The following GANC variants were observed in gnomAD, a reference collection of about 807,000 sequenced individuals.
GANC encodes glucosidase alpha, neutral C.
In GANC, 117 loss-of-function variants were observed where a neutral mutation model predicts 124.2. The ratio of observed to expected loss-of-function variants is 0.94; its 90% confidence interval spans 0.81 to 1.10. GANC has a LOEUF of 1.10. Among genes scored for constraint, GANC ranks in the 50% least tolerant of loss-of-function variants. GANC has a pLI of 0.00. For missense variants in GANC, 1,140 were observed against 1,095.0 expected, an observed-to-expected ratio of 1.04 and a Z score of -0.58; for synonymous variants, 377 against 376.8, an observed-to-expected ratio of 1.00 and a Z score of -0.01.
chr15:42,325,233 A>G (rs1213463740), intron 11 of GANC, among the ~76,000 whole-genome samples: 1 of 152,168 alleles, frequency 6.6e-6, no homozygotes, highest in Non-Finnish European at 1.5e-5. Context: ...AGATCGTGCC[A>G]CTGCACTCCA....
chr15:42,283,506 C>T (rs2051754465), intron 3 of GANC: 1 of 626,180 alleles, frequency 1.6e-6, no homozygotes, highest in South Asian at 1.9e-5. Context: ...GCTTAAATAG[C>T]ATTGCTAGCA....
chr15:42,343,685 C>A (rs978983934), intron 19 of GANC, among the ~76,000 whole-genome samples: 1 of 152,098 alleles, frequency 6.6e-6, no homozygotes, highest in Non-Finnish European at 1.5e-5. Context: ...CATCCTAGAC[C>A]TGCTGGAGCC....
chr15:42,347,806 G>A (rs2052379133), intron 20 of GANC, among the ~76,000 whole-genome samples: 1 of 152,164 alleles, frequency 6.6e-6, no homozygotes, highest in African/African-American at 2.4e-5. Context: ...TATAGGATGG[G>A]CAGAAAGGAA....
chr15:42,324,230 A>G (rs2052182220), intron 11 of GANC, among the ~76,000 whole-genome samples: 1 of 152,142 alleles, frequency 6.6e-6, no homozygotes, highest in South Asian at 2.1e-4. Context: ...CCACAGTGAA[A>G]TCCCATTTTA....
chr15:42,334,362 A>G (rs559131349), intron 15 of GANC, among the ~76,000 whole-genome samples: 2 of 152,226 alleles, frequency 1.3e-5, no homozygotes, highest in South Asian at 2.1e-4. Context: ...GGGTTTCACC[A>G]TGTTGGGCAG....
intron 4 of GANC, among the ~76,000 whole-genome samples, chr15:42,291,506 G>A (rs1356379095): frequency 6.6e-6 from 1 of 152,112 alleles, no homozygotes; most frequent in Non-Finnish European, 1.5e-5. Flanking sequence ...TGTTCCCCAC[G>A]AGAATCCAGA....
At chr15:42,300,517 G>T (rs1289253843) in intron 6 of GANC, among the ~76,000 whole-genome samples, 2 of 152,174 alleles carry the variant, frequency 1.3e-5, no homozygotes, top group African/African-American at 4.8e-5. Context: ...ATGTAAATTA[G>T]TCCATTGTGG....
At chr15:42,349,804 A>G (rs938849836) in intron 22 of GANC, among the ~76,000 whole-genome samples, 7 of 151,740 alleles carry the variant, frequency 4.6e-5, no homozygotes, top group African/African-American at 9.7e-5. Flanking sequence ...ATGCACCAAC[A>G]TACCCGGCTA....
chr15:42,295,855 C>T (rs1028829095), intron 5 of GANC, among the ~76,000 whole-genome samples: 2 of 152,058 alleles, frequency 1.3e-5, no homozygotes, highest in Admixed American at 6.5e-5. Flanking sequence ...AAGATTGTTA[C>T]GTTGAGCTGG....
chr15:42,302,288 C>T lies in GANC; in HGVS notation c.559-4258C>T, dbSNP rs1005889377. On this transcript the variant is annotated intron_variant, in intron 6 of 23. Transcript: ENST00000318010. ...CTGACTGTTAGAACGAAAACTAACA[C>T]GGAAAGGAATAGCATCAACATCAAC... Among the ~76,000 whole-genome samples the T allele has an allele frequency of 1.4e-4, 22 of 152,198 alleles. No homozygotes were observed. In the East Asian group the frequency reaches 1.7e-3, roughly 12 times the overall value.
chr15:42,303,550 C>T (rs1211682734), intron 6 of GANC, among the ~76,000 whole-genome samples: 1 of 151,154 alleles, frequency 6.6e-6, no homozygotes, highest in Admixed American at 6.6e-5. Flanking sequence ...AATTAAAAGA[C>T]ATAGACTGGC....
intron 6 of GANC, among the ~76,000 whole-genome samples, chr15:42,297,995 G>A (rs8023568): frequency 0.96 from 146,473 of 152,246 alleles, 70,657 homozygotes; most frequent in Non-Finnish European, 1. Flanking sequence ...ACAGACATTG[G>A]GTAAGTAATT....
intron 3 of GANC, among the ~76,000 whole-genome samples, chr15:42,280,564 A>G (rs750819630): frequency 7.2e-5 from 11 of 152,166 alleles, no homozygotes; most frequent in Non-Finnish European, 1.5e-4. Flanking sequence ...AGGAGTCTTT[A>G]GGCCTTGACC....
rs2052470901 is a variant in GANC, at chr15:42,353,063, AG to A, written c.*925del. ...AACAAAATATTAAAATTTAAAATAAAGACAGGATTAGTATTACTGAGTTTTC... is the reference window on the plus strand; with the variant it reads ...AACAAAATATTAAAATTTAAAATAAAACAGGATTAGTATTACTGAGTTTTC... On this transcript the variant is annotated 3_prime_UTR_variant, in exon 24 of 24. Transcript: ENST00000318010. 2 of 928,886 alleles carry A rather than the reference AG, an allele frequency of 2.2e-6. No individual in the cohort carries two copies. Among genetic ancestry groups the A allele is most frequent in the Non-Finnish European group, 2.6e-6 (2 of 778,052 alleles). 57.5% of individuals were successfully genotyped at this position (928,886 alleles called of 1,614,324 possible).
intron 22 of GANC, among the ~76,000 whole-genome samples, chr15:42,350,964 C>T (rs1038853449): frequency 2.6e-5 from 4 of 151,812 alleles, no homozygotes; most frequent in Admixed American, 6.6e-5. Context: ...CTCTATCTCC[C>T]AGGTTCGGGG....
intron 10 of GANC, among the ~76,000 whole-genome samples, chr15:42,313,390 A>C (rs563578722): frequency 6.6e-6 from 1 of 152,380 alleles, no homozygotes; most frequent in East Asian, 1.9e-4. Context: ...CACATGTTAG[A>C]ATTCACTAAC....
chr15:42,308,537 G>A (rs1287248772), intron 8 of GANC, among the ~76,000 whole-genome samples: 2 of 152,186 alleles, frequency 1.3e-5, no homozygotes, highest in African/African-American at 4.8e-5. Context: ...AGGCTGGAGT[G>A]CAGTGGCACA....
At chr15:42,328,497 A>G (rs1437916739) in intron 13 of GANC, among the ~76,000 whole-genome samples, 1 of 149,942 alleles carries the variant, frequency 6.7e-6, no homozygotes, top group Non-Finnish European at 1.5e-5. Context: ...ATGTTTAGAA[A>G]TAAAGATTCA....
chr15:42,284,018 C>T (rs2141019513), intron 3 of GANC: 1 of 702,180 alleles, frequency 1.4e-6, no homozygotes, highest in Non-Finnish European at 2.6e-6. Context: ...ATTAGACCAT[C>T]CTCTGGATCC....
Sources: allele counts gnomAD v4.1 joint callset (sites outside exome capture counted in the v4.1 genomes callset), GRCh38; gene constraint gnomAD v4.1.1; transcripts MANE v1.5; gene names NCBI Gene and HGNC (gene_info 2026-07-23, HGNC 2026-07-21).